The following C5 variants were observed in gnomAD, a reference collection of about 807,000 sequenced individuals.
The protein encoded by C5 is C3 and PZP-like alpha-2-macroglobulin domain-containing protein 4.
In C5, 140 loss-of-function variants were observed where a neutral mutation model predicts 218.8. The observed-to-expected ratio is 0.64, with a 90% CI of 0.56 to 0.74. The LOEUF is 0.74. C5 is among the 30% of genes least tolerant of loss of function. C5 has a pLI of 0.00. For synonymous variants in C5, 614 were observed against 682.3 expected (o/e 0.90, Z 1.56); for missense variants, 1,700 against 1,969.6 (o/e 0.86, Z 2.59).
chr9:121,040,594 A>G (rs1198736186), intron 3 of C5, among the ~76,000 whole-genome samples: 3 of 152,234 alleles, frequency 2.0e-5, no homozygotes, highest in Non-Finnish European at 2.9e-5. Context: ...GTGCTATTCC[A>G]TAGATAATAA....
intron 25 of C5, among the ~76,000 whole-genome samples, chr9:120,986,151 C>T (rs2047031305): frequency 6.6e-6 from 1 of 152,082 alleles, no homozygotes; most frequent in South Asian, 2.1e-4. Flanking sequence ...TCCCACCAAC[C>T]TTAGTCTCTT....
chr9:120,980,205 G>A lies in C5; in HGVS notation c.3536C>T (p.Thr1179Ile), dbSNP rs761251498. ...TGTAAAGGTGCTCTGGGCTGGCAGT[G>A]TATTTTCAAGCAGAAAGTTGTCAGC... The part of the protein sequence containing the change: ...IKADNFLLEN[T>I]LPAQSTFTLA... Residue 1179 changes from threonine to isoleucine, a missense_variant, in exon 28 of 41, where the codon ACA (threonine) becomes ATA (isoleucine). Physicochemically the swap from Thr to Ile is moderately conservative, Grantham distance 89. Coordinates refer to ENST00000223642, the MANE Select transcript of C5 (RefSeq NM_001735.3). 2.6e-5 allele frequency: 42 copies of A among 1,614,036 alleles called. No individual in the cohort carries two copies. Among genetic ancestry groups the A allele is most frequent in the Non-Finnish European group, 3.5e-5 (41 of 1,180,012 alleles).
chr9:121,025,292 C>T (rs2047410138), intron 9 of C5, among the ~76,000 whole-genome samples, 162 bp downstream of exon 9: 1 of 151,960 alleles, frequency 6.6e-6, no homozygotes, highest in South Asian at 2.1e-4. Flanking sequence ...CTTTTTATAA[C>T]TATATAAAAG....
At chr9:120,994,779 C>T (rs1695579468) in intron 22 of C5, among the ~76,000 whole-genome samples, 1 of 151,934 alleles carries the variant, frequency 6.6e-6, no homozygotes, top group South Asian at 2.1e-4. Flanking sequence ...TTTGTTTTAA[C>T]CCAGATTTTC....
chr9:121,030,070 T>G (rs1444004733), intron 7 of C5, among the ~76,000 whole-genome samples: 1 of 152,112 alleles, frequency 6.6e-6, no homozygotes, highest in Non-Finnish European at 1.5e-5. Context: ...GATTAAATCA[T>G]TAAAAAAAGA....
chr9:121,061,900 A>G, the C5 span, among the ~76,000 whole-genome samples: 1 of 152,182 alleles, frequency 6.6e-6, no homozygotes, highest in African/African-American at 2.4e-5. Flanking sequence ...TTGCTTTCTG[A>G]GGACAAGGAA....
chr9:120,978,419 T>C (rs1286038772), intron 28 of C5, among the ~76,000 whole-genome samples: 1 of 152,214 alleles, frequency 6.6e-6, no homozygotes, highest in African/African-American at 2.4e-5. Context: ...TTTAGGATTT[T>C]AAAGAAACCC....
In C5 at chr9:121,046,314, T is replaced by G. The variant is rs1445613889; in HGVS notation, c.135A>C (p.Gly45=). 20 of 1,611,424 alleles carry G rather than the reference T, an allele frequency of 1.2e-5. No individual in the cohort carries two copies. In the Admixed American group the frequency reaches 3.3e-4, roughly 27 times the overall value. The change falls in exon 2 of 41, where the codon GGA becomes GGC. Residue 45 remains glycine (G), a synonymous_variant. Transcript: ENST00000223642. The part of the protein sequence containing the change: ...ASENIVIQVY[G]YTEAFDATIS... ...TTGTTGCATCAAATGCTTCAGTGTA[T>G]CCATAAACTTGAATCACAATATTTT...
At position 121,002,216 on chromosome 9, in the gene C5, G is replaced by A. The variant is rs1401090044; in HGVS notation, c.2562+3703C>T. On this transcript the variant is annotated intron_variant, in intron 20 of 40. Coordinates refer to ENST00000223642, the MANE Select transcript of C5 (RefSeq NM_001735.3). ...CATATACGTATATATGTATATATAC[G>A]TATATATATATATGTATATATGTAT... 4.1e-3 allele frequency among the ~76,000 whole-genome samples: 463 copies of A among 112,832 alleles called. 4 individuals are homozygous for A. Among genetic ancestry groups the A allele is most frequent in the African/African-American group, 0.019 (436 of 23,124 alleles). The allele number at this position is 112,832 out of a possible 152,430, so 74.0% of individuals were successfully genotyped here. A position where few individuals can be genotyped will look rare whatever the true frequency, so the allele number is the denominator to read the frequency against.
the C5 span, among the ~76,000 whole-genome samples, chr9:121,055,997 G>A: frequency 6.6e-6 from 1 of 152,232 alleles, no homozygotes; most frequent in African/African-American, 2.4e-5. Context: ...CACCAAGGCT[G>A]TGTACCTAAG....
chr9:121,046,979 G>A (rs753360487), intron 1 of C5, among the ~76,000 whole-genome samples: 53 of 152,026 alleles, frequency 3.5e-4, no homozygotes, highest in South Asian at 2.1e-4. Flanking sequence ...ACTAGTAAAC[G>A]GATAACGGAA....
the C5 span, among the ~76,000 whole-genome samples, chr9:121,071,100 G>A: frequency 2.0e-5 from 3 of 152,170 alleles, no homozygotes; most frequent in African/African-American, 7.2e-5. Context: ...CTTGAGGCCA[G>A]GAGTTGAAGA....
At chr9:121,022,630 T>C (rs2047375845) in intron 10 of C5, among the ~76,000 whole-genome samples, 1 of 149,914 alleles carries the variant, frequency 6.7e-6, no homozygotes, top group Admixed American at 6.6e-5. Context: ...GTAACACATT[T>C]TCAAAGAACA....
intron 36 of C5, 74 bp from the exon 37 acceptor site, chr9:120,961,639 T>G: frequency 1.1e-6 from 1 of 924,692 alleles, no homozygotes; most frequent in Non-Finnish European, 1.8e-6. Flanking sequence ...GGCAAGTGTC[T>G]TACATGGAGC....
At chr9:120,993,516 G>A (rs886730297) in intron 22 of C5, among the ~76,000 whole-genome samples, 5 of 152,170 alleles carry the variant, frequency 3.3e-5, no homozygotes, top group African/African-American at 4.8e-5. Flanking sequence ...TCCGCCTCCC[G>A]GGTTCACGCC....
the C5 span, among the ~76,000 whole-genome samples, chr9:121,072,320 G>A: frequency 1.3e-5 from 2 of 152,072 alleles, no homozygotes; most frequent in East Asian, 3.8e-4. Flanking sequence ...AGCACACCAC[G>A]GCTTGATAAT....
chr9:120,953,887 A>G lies in C5; in HGVS notation c.4763-19T>C. On this transcript the variant is annotated intron_variant, in intron 39 of 40. Coordinates refer to ENST00000223642, the MANE Select transcript of C5 (RefSeq NM_001735.3). ...GCTTCCCCTGAGAGACATGCAAGTC[A>G]AGTAAGGTTATACCATTCATGTTTT... The G allele has an allele frequency of 6.2e-7, 1 of 1,613,418 alleles. No homozygotes were observed. Among genetic ancestry groups the G allele is most frequent in the Non-Finnish European group, 8.5e-7 (1 of 1,179,344 alleles).
chr9:121,033,023 T>C (rs946178003), intron 5 of C5, among the ~76,000 whole-genome samples: 5 of 151,476 alleles, frequency 3.3e-5, no homozygotes, highest in African/African-American at 1.2e-4. Flanking sequence ...GGTGTGTGTG[T>C]GTGTGTGTGT....
In C5 at chr9:121,025,494, G is replaced by C. The variant is rs765468206; in HGVS notation, c.960C>G (p.Asn320Lys). The change falls in exon 9 of 41, where the codon AAC becomes AAG. Residue 320 changes from asparagine (N) to lysine (K), a missense_variant. Coordinates refer to ENST00000223642, the MANE Select transcript of C5 (RefSeq NM_001735.3). ...LSYYSLEDLN[N>K]KYLYIAVTVI... ...CTGTTACAGCAATATAAAGGTACTT[G>C]TTGTTTAAATCTTCTAAACTGTAGT... The C allele has an allele frequency of 6.2e-7, 1 of 1,610,384 alleles. No individual in the cohort carries two copies. Among genetic ancestry groups the C allele is most frequent in the Non-Finnish European group, 8.5e-7 (1 of 1,178,784 alleles).
Sources: gnomAD v4.1 joint callset for allele counts (sites outside exome capture counted in the v4.1 genomes callset) on GRCh38, gnomAD v4.1.1 for gene constraint, MANE v1.5 for transcripts, NCBI Gene and HGNC (gene_info 2026-07-23, HGNC 2026-07-21) for gene names.